LIX1L: variants seen among roughly 807,000 people sequenced by gnomAD.
The protein encoded by LIX1L is limb and CNS expressed 1 like.
Under a neutral mutation model 34.0 loss-of-function variants are expected in LIX1L, and 20 were observed. That is an observed-to-expected ratio of 0.59 (90% confidence interval 0.41 to 0.85). The LOEUF (loss-of-function observed/expected upper bound fraction) is 0.85, where lower values mean the gene tolerates loss of function less well. Ranked by LOEUF, LIX1L falls within the 40% of genes least tolerant of loss-of-function variation. The pLI is 0.00. For missense variants in LIX1L, 397 were observed against 447.0 expected, an observed-to-expected ratio of 0.89 and a Z score of 1.01; for synonymous variants, 170 against 187.4, an observed-to-expected ratio of 0.91 and a Z score of 0.76.
At chr1:145,944,098 T>C (rs587774760) in intron 2 of LIX1L, among the ~76,000 whole-genome samples, 1 of 152,320 alleles carries the variant, frequency 6.6e-6, no homozygotes, top group Non-Finnish European at 1.5e-5. Flanking sequence ...GGCTCATGCC[T>C]GTAATCCCAG....
At chr1:145,952,498 G>A (rs1467350669) in intron 1 of LIX1L, among the ~76,000 whole-genome samples, 1 of 152,136 alleles carries the variant, frequency 6.6e-6, no homozygotes, top group Admixed American at 6.6e-5. Context: ...ATACCCTGCT[G>A]TTGAATAACA....
Position 145,957,818 on chromosome 1 carries a change from G to C in LIX1L, c.110C>G (p.Thr37Arg). Residue 37 changes from threonine (T) to arginine (R), a missense_variant, in exon 1 of 6, where the codon ACA becomes AGA. Physicochemically the swap from Thr to Arg is moderately conservative, Grantham distance 71. This residue lies in a region of LIX1L where 207 missense variants were observed against 205.2 expected (regional missense o/e 1.01). Transcript: ENST00000604000. Reference sequence around the variant, plus strand: ...GGCAGGCGGGGGGCCCGCAGGGGGTGTGGCGGTGGCGGCCGCGGCCCCAGT... The same window carrying C: ...GGCAGGCGGGGGGCCCGCAGGGGGTCTGGCGGTGGCGGCCGCGGCCCCAGT... ...GVTGAAAATA[T>R]PPAGPPPAPP... 2 of 1,393,908 alleles carry C rather than the reference G, an allele frequency of 1.4e-6. No individual in the cohort carries two copies. Among genetic ancestry groups the C allele is most frequent in the Non-Finnish European group, 9.3e-7 (1 of 1,076,146 alleles). The allele number at this position is 1,393,908 out of a possible 1,614,324, so 86.3% of individuals were successfully genotyped here.
chr1:145,949,820 T>C (rs1553759610), intron 1 of LIX1L, among the ~76,000 whole-genome samples: 1 of 146,206 alleles, frequency 6.8e-6, no homozygotes, highest in East Asian at 2.0e-4. Context: ...CCACTCTCCT[T>C]TTTTTTTTTT....
chr1:145,942,856 A>G lies in LIX1L; in HGVS notation c.457-3T>C, dbSNP rs782280215. On this transcript the variant is annotated splice_polypyrimidine_tract_variant and splice_region_variant and intron_variant, in intron 2 of 5. Coordinates refer to ENST00000604000, the MANE Select transcript of LIX1L (RefSeq NM_153713.3). ...GCCTCAGCTTTTGTGGGGCAAAACT[A>G]GGCAGGGGAGAAAGAGTGAGAATAT... 3.7e-6 allele frequency: 6 copies of G among 1,613,948 alleles called. No individual in the cohort carries two copies. In the Admixed American group the frequency reaches 1.0e-4, roughly 27 times the overall value.
At chr1:145,942,490 G>A (rs1648955876) in intron 3 of LIX1L, among the ~76,000 whole-genome samples, 1 of 152,120 alleles carries the variant, frequency 6.6e-6, no homozygotes, top group Non-Finnish European at 1.5e-5. Flanking sequence ...CACAATGAAA[G>A]AGACAAAACA....
intron 3 of LIX1L, among the ~76,000 whole-genome samples, chr1:145,939,632 CTTTTTCTTTTTTT>C (rs1426694851): frequency 1.4e-5 from 2 of 146,916 alleles, no homozygotes; most frequent in South Asian, 2.2e-4. Context: ...TTTCTTTTTT[CTTTTTCTTTTTTT>C]TTTTTTTTTT....
At position 145,957,763 on chromosome 1, in the gene LIX1L, CGGCGGCGGGGGCGGTGCGGGA is replaced by C. The variant is rs587606249; in HGVS notation, c.144_164del (p.Pro49_Pro55del). On this transcript the variant is annotated inframe_deletion, in exon 1 of 6. Coordinates refer to ENST00000604000, the MANE Select transcript of LIX1L (RefSeq NM_153713.3). Reference sequence around the variant, plus strand: ...GTCCTGGGGCCCCAGACAGGAGCAGCGGCGGCGGGGGCGGTGCGGGAGGCGGCGGGGCAGGCGGGGGGCCCG... The same window carrying C: ...GTCCTGGGGCCCCAGACAGGAGCAGCGGCGGCGGGGCAGGCGGGGGGCCCG... 8.6e-5 allele frequency: 117 copies of C among 1,356,854 alleles called. 1 individual carries two copies. In the East Asian group the frequency reaches 3.2e-3, roughly 38 times the overall value. The allele number at this position is 1,356,854 out of a possible 1,614,324, so 84.1% of individuals were successfully genotyped here.
At chr1:145,954,363 T>C (rs1553760153) in intron 1 of LIX1L, among the ~76,000 whole-genome samples, 3 of 152,180 alleles carry the variant, frequency 2.0e-5, no homozygotes, top group Admixed American at 1.3e-4. Context: ...GAAACTAATA[T>C]AGGAACTAAT....
chr1:145,954,770 T>C (rs917346357), intron 1 of LIX1L, among the ~76,000 whole-genome samples: 1 of 152,230 alleles, frequency 6.6e-6, no homozygotes, highest in Non-Finnish European at 1.5e-5. Flanking sequence ...CATTTCCAAA[T>C]GCACAATAGT....
chr1:145,946,783 T>A (rs1484742367), intron 2 of LIX1L, among the ~76,000 whole-genome samples: 1 of 152,198 alleles, frequency 6.6e-6, no homozygotes, highest in Non-Finnish European at 1.5e-5. Flanking sequence ...CAAGGTGCTA[T>A]GCAGACACAC....
intron 2 of LIX1L, chr1:145,947,409 A>G: frequency 1.7e-6 from 1 of 571,446 alleles, no homozygotes; most frequent in South Asian, 2.4e-5. Flanking sequence ...GCTCAAATTC[A>G]AAATGGGTTT....
At chr1:145,947,597 A>C in intron 2 of LIX1L, 22 bp downstream of exon 2, 1 of 1,612,348 alleles carries the variant, frequency 6.2e-7, no homozygotes, top group Non-Finnish European at 8.5e-7. Context: ...TACCTTTGCT[A>C]CTGCCACCTC....
intron 4 of LIX1L, chr1:145,937,216 C>T (rs1255904343): frequency 1.7e-5 from 3 of 181,222 alleles, no homozygotes; most frequent in Non-Finnish European, 3.4e-5. Context: ...TGCTCTGTCA[C>T]CCAGGCTGGA....
At chr1:145,954,281 A>C (rs1406299075) in intron 1 of LIX1L, among the ~76,000 whole-genome samples, 1 of 152,170 alleles carries the variant, frequency 6.6e-6, no homozygotes, top group Non-Finnish European at 1.5e-5. Flanking sequence ...TCTGGCCTCC[A>C]GAACTATGAG....
At position 145,957,761 on chromosome 1, in the gene LIX1L, AGCGGCGGCGGGGGCGGTGCGGGAG is replaced by A. The variant is rs1412819407; in HGVS notation, c.143_166del (p.Pro48_Pro55del). The A allele has an allele frequency of 7.3e-7, 1 of 1,360,822 alleles. No individual in the cohort carries two copies. Among genetic ancestry groups the A allele is most frequent in the Non-Finnish European group, 9.4e-7 (1 of 1,064,942 alleles). The allele number at this position is 1,360,822 out of a possible 1,614,324, so 84.3% of individuals were successfully genotyped here. A position where few individuals can be genotyped will look rare whatever the true frequency, so the allele number is the denominator to read the frequency against. ...TAGTCCTGGGGCCCCAGACAGGAGC[AGCGGCGGCGGGGGCGGTGCGGGAG>A]GCGGCGGGGCAGGCGGGGGGCCCGC... On this transcript the variant is annotated inframe_deletion, in exon 1 of 6. Transcript: ENST00000604000.
chr1:145,933,863 A>T lies in LIX1L; in HGVS notation c.*2447T>A, dbSNP rs1345725265. 1.3e-5 allele frequency: 2 copies of T among 152,198 alleles called. No individual in the cohort carries two copies. Among genetic ancestry groups the T allele is most frequent in the African/African-American group, 4.8e-5 (2 of 41,460 alleles). The allele number at this position is 152,198 out of a possible 1,614,324, so 9.4% of individuals were successfully genotyped here. On this transcript the variant is annotated 3_prime_UTR_variant, in exon 6 of 6. Coordinates refer to ENST00000604000, the MANE Select transcript of LIX1L (RefSeq NM_153713.3). ...AGGAAGCCCGTTTCAAGCACTAATA[A>T]AATTGTAGCTGGATTCCTTACCTCT...
At chr1:145,941,853 C>T (rs1648931198) in intron 3 of LIX1L, 1 of 152,074 alleles carries the variant, frequency 6.6e-6, no homozygotes, top group Non-Finnish European at 1.5e-5. Flanking sequence ...CAGTCCCTGC[C>T]ACAAGGTAAA....
chr1:145,957,570 G>A, intron 1 of LIX1L, 66 bp downstream of exon 1: 3 of 1,390,880 alleles, frequency 2.2e-6, no homozygotes, highest in Non-Finnish European at 2.8e-6. Context: ...AAGCGATCCG[G>A]AGGACTGTGG....
chr1:145,950,186 T>C (rs1026981622), intron 1 of LIX1L: 3 of 152,078 alleles, frequency 2.0e-5, no homozygotes, highest in Non-Finnish European at 1.5e-5. Flanking sequence ...CATATTTCCT[T>C]AGTTCAGATC....
Sources: allele counts gnomAD v4.1 joint callset (sites outside exome capture counted in the v4.1 genomes callset), GRCh38; gene constraint gnomAD v4.1.1; regional missense constraint gnomAD v4.1.1; transcripts MANE v1.5; gene names NCBI Gene and HGNC (gene_info 2026-07-23, HGNC 2026-07-21).